The following ZSWIM6 variants were observed in gnomAD, a reference collection of about 807,000 sequenced individuals.
ZSWIM6 encodes the protein zinc finger SWIM domain-containing protein 6.
Under a neutral mutation model 113.2 loss-of-function variants are expected in ZSWIM6, and 9 were observed. The observed-to-expected ratio is 0.08, with a 90% CI of 0.05 to 0.14. ZSWIM6 has a LOEUF of 0.14. Among genes scored for constraint, ZSWIM6 ranks in the 10% least tolerant of loss-of-function variants. The pLI is 1.00. For missense variants in ZSWIM6, 1,162 were observed against 1,552.2 expected, an observed-to-expected ratio of 0.75 and a Z score of 4.22; for synonymous variants, 611 against 606.5, an observed-to-expected ratio of 1.01 and a Z score of -0.11.
chr5:61,332,422 CGCG>C lies in ZSWIM6; in HGVS notation c.166_168del (p.Ala56del), dbSNP rs779283808. The C allele has an allele frequency of 2.7e-4, 272 of 991,368 alleles. No individual in the cohort carries two copies. The highest frequency in any genetic ancestry group is 2.0e-3 in the Middle Eastern group (4 of 1,966). The allele number at this position is 991,368 out of a possible 1,614,324, so 61.4% of individuals were successfully genotyped here. On this transcript the variant is annotated inframe_deletion, in exon 1 of 14. Transcript: ENST00000252744. Reference sequence around the variant, plus strand: ...GTCGGCCAGGCCCGCGGGCGGGTGGCGCGGCGGCGGCGGCGGCGTGCGGGGGCG... The same window carrying C: ...GTCGGCCAGGCCCGCGGGCGGGTGGCGCGGCGGCGGCGGCGTGCGGGGGCG...
At chr5:61,474,286 G>A (rs2112186947) in intron 2 of ZSWIM6, among the ~76,000 whole-genome samples, 1 of 152,298 alleles carries the variant, frequency 6.6e-6, no homozygotes. Flanking sequence ...TCAGAATCAT[G>A]TTAAGGTTTA....
intron 4 of ZSWIM6, among the ~76,000 whole-genome samples, chr5:61,502,042 G>A (rs1441907378): frequency 6.6e-6 from 1 of 152,182 alleles, no homozygotes; most frequent in African/African-American, 2.4e-5. Context: ...GTAGGGTGGA[G>A]GGGGAGAGCG....
intron 1 of ZSWIM6, among the ~76,000 whole-genome samples, chr5:61,464,158 A>ATTTTTTTTTTTTTTTTTTTTTTTTTT (rs869288331): frequency 6.9e-5 from 3 of 43,524 alleles, no homozygotes; most frequent in African/African-American, 1.8e-4. Flanking sequence ...CACCCGGCTA[A>ATTTTTTTTTTTTTTTTTTTTTTTTTT]TTTTTTTTTT....
intron 1 of ZSWIM6, among the ~76,000 whole-genome samples, chr5:61,344,878 C>CT (rs569980899): frequency 2.0e-3 from 311 of 152,282 alleles, no homozygotes; most frequent in African/African-American, 7.2e-3. Flanking sequence ...CTGTGGTACT[C>CT]TATTTGCTTT....
At position 61,359,813 on chromosome 5, in the gene ZSWIM6, C is replaced by G. The variant is rs186465107; in HGVS notation, c.676+26865C>G. Among the ~76,000 whole-genome samples, 3 of 152,154 alleles carry G rather than the reference C, an allele frequency of 2.0e-5. No individual in the cohort carries two copies. The East Asian group carries it at 5.8e-4, about 29-fold the overall frequency. ...AACGACTGTAAGAAGTAGGTGCTATCAGTTAGTGTCCAGTCAGGAAAATGG... is the reference window on the plus strand; with the variant it reads ...AACGACTGTAAGAAGTAGGTGCTATGAGTTAGTGTCCAGTCAGGAAAATGG... On this transcript the variant is annotated intron_variant, in intron 1 of 13. Transcript: ENST00000252744.
At chr5:61,535,708 T>C in intron 10 of ZSWIM6, 89 bp downstream of exon 10, 2 of 1,463,164 alleles carry the variant, frequency 1.4e-6, no homozygotes, top group Non-Finnish European at 1.9e-6. Flanking sequence ...TCATGTTTCT[T>C]ATAGGCAGCA....
chr5:61,509,490 A>G (rs1748720289), intron 4 of ZSWIM6, among the ~76,000 whole-genome samples: 1 of 152,148 alleles, frequency 6.6e-6, no homozygotes, highest in Non-Finnish European at 1.5e-5. Flanking sequence ...TGGGTTGGGG[A>G]TGTGTTTCAG....
intron 12 of ZSWIM6, among the ~76,000 whole-genome samples, chr5:61,540,350 C>A (rs944376168): frequency 2.0e-5 from 3 of 152,096 alleles, no homozygotes; most frequent in Non-Finnish European, 4.4e-5. Context: ...ACTGGATAAA[C>A]CAAGAACTAA....
intron 1 of ZSWIM6, among the ~76,000 whole-genome samples, chr5:61,420,916 A>AT (rs34581606): frequency 0.37 from 53,892 of 145,806 alleles, 9,919 homozygotes; most frequent in African/African-American, 0.45. Context: ...TATTCGTTCT[A>AT]TTTTTTTTTT....
intron 4 of ZSWIM6, among the ~76,000 whole-genome samples, chr5:61,495,359 C>T (rs922147465): frequency 1.3e-5 from 2 of 152,090 alleles, no homozygotes; most frequent in African/African-American, 2.4e-5. Flanking sequence ...TAGGAGACTT[C>T]CACAACATGA....
chr5:61,498,768 CAT>C (rs1748386788), intron 4 of ZSWIM6, among the ~76,000 whole-genome samples: 1 of 152,114 alleles, frequency 6.6e-6, no homozygotes, highest in Non-Finnish European at 1.5e-5. Flanking sequence ...AGGAGAAAAA[CAT>C]ATGCTTAAGT....
intron 1 of ZSWIM6, among the ~76,000 whole-genome samples, chr5:61,396,136 G>C (rs1745832975): frequency 6.6e-6 from 1 of 152,062 alleles, no homozygotes; most frequent in Non-Finnish European, 1.5e-5. Context: ...GCTAGCTGTG[G>C]GCTTTGGATC....
intron 4 of ZSWIM6, among the ~76,000 whole-genome samples, chr5:61,500,786 T>C (rs1748445020): frequency 6.6e-6 from 1 of 152,190 alleles, no homozygotes; most frequent in Admixed American, 6.5e-5. Context: ...TACTGTAGGA[T>C]AGAATACAGT....
chr5:61,459,936 AG>A (rs1448159292), intron 1 of ZSWIM6, among the ~76,000 whole-genome samples: 3 of 152,230 alleles, frequency 2.0e-5, no homozygotes, highest in African/African-American at 4.8e-5. Context: ...ATGTGAGTCA[AG>A]AGTGTGTGGT....
chr5:61,532,180 C>T (rs1471834631), intron 9 of ZSWIM6, among the ~76,000 whole-genome samples: 5 of 152,184 alleles, frequency 3.3e-5, no homozygotes, highest in African/African-American at 9.7e-5. Flanking sequence ...CATACGCACA[C>T]GCTAACAAAC....
rs375815027 is a variant in ZSWIM6 at position 61,448,598 on chromosome 5, GGGA to G, written c.677-24077_677-24075del. ...ATAAATATATACATGTTCTGTTTGG[GGGA>G]GGAGGGTAGATGATAATGGTGTTGC... On this transcript the variant is annotated intron_variant, in intron 1 of 13. Transcript: ENST00000252744. 7.1e-3 allele frequency among the ~76,000 whole-genome samples: 1,073 copies of G among 152,190 alleles called. 5 individuals are homozygous for G. Among genetic ancestry groups the G allele is most frequent in the South Asian group, 0.021 (100 of 4,808 alleles).
chr5:61,362,825 C>T (rs1745058303), intron 1 of ZSWIM6, among the ~76,000 whole-genome samples: 1 of 152,182 alleles, frequency 6.6e-6, no homozygotes, highest in Non-Finnish European at 1.5e-5. Flanking sequence ...CATTTCAAGC[C>T]ATTTTTAGAC....
chr5:61,413,783 G>A (rs998693790), intron 1 of ZSWIM6, among the ~76,000 whole-genome samples: 1 of 152,078 alleles, frequency 6.6e-6, no homozygotes, highest in Non-Finnish European at 1.5e-5. Context: ...GTGATGATGA[G>A]CATTTTTTCA....
chr5:61,407,386 A>G (rs1746066159), intron 1 of ZSWIM6, among the ~76,000 whole-genome samples: 1 of 152,230 alleles, frequency 6.6e-6, no homozygotes, highest in Non-Finnish European at 1.5e-5. Context: ...TACAAACTGC[A>G]TGGGGAATGA....
Sources: allele counts gnomAD v4.1 joint callset (sites outside exome capture counted in the v4.1 genomes callset), GRCh38; gene constraint gnomAD v4.1.1; transcripts MANE v1.5; gene names NCBI Gene and HGNC (gene_info 2026-07-23, HGNC 2026-07-21).